AEBP2: variants seen among roughly 807,000 people sequenced by gnomAD.
AEBP2 encodes the protein AE binding protein 2, also known as zinc finger protein AEBP2.
In AEBP2, 10 loss-of-function variants were observed where a neutral mutation model predicts 50.8. The ratio of observed to expected loss-of-function variants is 0.20; its 90% CI spans 0.12 to 0.33. The LOEUF is 0.33. AEBP2 is among the 10% of genes least tolerant of loss of function. AEBP2 has a pLI of 1.00. For synonymous variants in AEBP2, 296 were observed against 261.3 expected (o/e 1.13, Z -1.28); for missense variants, 570 against 688.0 (o/e 0.83, Z 1.92).
intron 1 of AEBP2, among the ~76,000 whole-genome samples, chr12:19,412,469 G>A (rs1342454193): frequency 1.3e-5 from 2 of 151,896 alleles, no homozygotes; most frequent in Non-Finnish European, 2.9e-5. Context: ...TAGTAGAGAA[G>A]GGGTTTCACC....
intron 1 of AEBP2, among the ~76,000 whole-genome samples, chr12:19,417,621 TG>T (rs755738769): frequency 6.6e-6 from 1 of 151,894 alleles, no homozygotes; most frequent in Non-Finnish European, 1.5e-5. Flanking sequence ...TTGGCCAGGC[TG>T]ATCTCGAACT....
chr12:19,431,766 C>A (rs569825123), intron 1 of AEBP2, among the ~76,000 whole-genome samples: 1 of 152,308 alleles, frequency 6.6e-6, no homozygotes, highest in African/African-American at 2.4e-5. Context: ...TCATTTCCAT[C>A]ATCCTGTAAG....
intron 2 of AEBP2, chr12:19,466,802 G>C: frequency 1.0e-6 from 1 of 984,928 alleles, no homozygotes. Flanking sequence ...GGTAACCCTA[G>C]AAGATTTTAT....
At chr12:19,435,681 C>T (rs956083013), upstream of AEBP2, among the ~76,000 whole-genome samples, 3 of 152,148 alleles carry the variant, frequency 2.0e-5, no homozygotes, top group African/African-American at 7.2e-5. Context: ...AGTTTGAGTT[C>T]CCCAACACAG....
intron 1 of AEBP2, among the ~76,000 whole-genome samples, chr12:19,432,568 C>T (rs2153365285): frequency 1.3e-5 from 2 of 152,192 alleles, no homozygotes; most frequent in South Asian, 2.1e-4. Context: ...ATGGCATGCA[C>T]CTGTAGTACC....
intron 5 of AEBP2, among the ~76,000 whole-genome samples, chr12:19,509,544 G>A (rs936593566): frequency 6.6e-6 from 1 of 152,094 alleles, no homozygotes; most frequent in Non-Finnish European, 1.5e-5. Context: ...TCAGGAGTTT[G>A]ATACCAGCCT....
In AEBP2 at chr12:19,457,376, A is replaced by G; in HGVS notation, c.672-5134A>G. The G allele has an allele frequency of 4.9e-6, 7 of 1,439,168 alleles. No homozygotes were observed. In the East Asian group the frequency reaches 6.8e-5, roughly 14 times the overall value. 89.1% of individuals were successfully genotyped at this position (1,439,168 alleles called of 1,614,324 possible). A position where few individuals can be genotyped will look rare whatever the true frequency, so the allele number is the denominator to read the frequency against. Reference sequence around the variant, plus strand: ...TGGTTAAGTCTCTGTGTCCTAGGGCATCAATGATAGTCACGTAGCACTTGC... The same window carrying G: ...TGGTTAAGTCTCTGTGTCCTAGGGCGTCAATGATAGTCACGTAGCACTTGC... On this transcript the variant is annotated intron_variant, in intron 1 of 7. Coordinates refer to ENST00000266508, the MANE Select transcript of AEBP2 (RefSeq NM_153207.5).
chr12:19,406,060 G>A (rs1031296297), intron 1 of AEBP2, among the ~76,000 whole-genome samples: 14 of 150,290 alleles, frequency 9.3e-5, no homozygotes, highest in Admixed American at 4.0e-4. Context: ...TCTGCCTCCC[G>A]AGTCAAAGGA....
At chr12:19,490,675 A>C (rs376369490) in intron 3 of AEBP2, among the ~76,000 whole-genome samples, 40 of 152,298 alleles carry the variant, frequency 2.6e-4, no homozygotes, top group African/African-American at 9.6e-4. Flanking sequence ...TGTGTTGGCC[A>C]GGCTGGTCTC....
intron 3 of AEBP2, among the ~76,000 whole-genome samples, chr12:19,478,579 C>T (rs1948684810): frequency 6.6e-6 from 1 of 152,216 alleles, no homozygotes; most frequent in Non-Finnish European, 1.5e-5. Context: ...CGTCAACCAC[C>T]TTGCCTGGCA....
chr12:19,408,709 A>C (rs1194209382), intron 1 of AEBP2, among the ~76,000 whole-genome samples: 1 of 151,860 alleles, frequency 6.6e-6, no homozygotes, highest in Non-Finnish European at 1.5e-5. Flanking sequence ...AGAGCAGCCT[A>C]ACCAACGTGG....
intron 1 of AEBP2, among the ~76,000 whole-genome samples, chr12:19,424,377 T>C (rs568820961): frequency 2.0e-5 from 3 of 152,048 alleles, no homozygotes; most frequent in African/African-American, 7.2e-5. Flanking sequence ...AAAGGTTTGT[T>C]AAGTAAAGGC....
intron 3 of AEBP2, among the ~76,000 whole-genome samples, chr12:19,480,396 C>T (rs915205216): frequency 2.6e-5 from 4 of 152,152 alleles, no homozygotes; most frequent in Non-Finnish European, 2.9e-5. Context: ...TGGGCCACTG[C>T]GCCCTGCCAA....
chr12:19,488,023 T>G (rs540208327), intron 3 of AEBP2, among the ~76,000 whole-genome samples: 2 of 152,302 alleles, frequency 1.3e-5, no homozygotes, highest in South Asian at 4.1e-4. Context: ...TATATTATTA[T>G]ATTACATATT....
In AEBP2 at chr12:19,518,224, T is replaced by C; in HGVS notation, c.*107T>C. On this transcript the variant is annotated 3_prime_UTR_variant, in exon 8 of 8. Coordinates refer to ENST00000266508, the MANE Select transcript of AEBP2 (RefSeq NM_153207.5). ...ACATTAGAGTCAACCCCTTCTTTTTTTTTTTTTTTTTTTTAAATCCAGTAT... is the reference window on the plus strand; with the variant it reads ...ACATTAGAGTCAACCCCTTCTTTTTCTTTTTTTTTTTTTTAAATCCAGTAT... The C allele has an allele frequency of 7.3e-7, 1 of 1,362,804 alleles. No individual in the cohort carries two copies. The highest frequency in any genetic ancestry group is 2.7e-5 in the East Asian group (1 of 36,554). The allele number at this position is 1,362,804 out of a possible 1,614,324, so 84.4% of individuals were successfully genotyped here. A position where few individuals can be genotyped will look rare whatever the true frequency, so the allele number is the denominator to read the frequency against.
At chr12:19,505,017 T>C (rs1949135028) in intron 5 of AEBP2, among the ~76,000 whole-genome samples, 1 of 152,214 alleles carries the variant, frequency 6.6e-6, no homozygotes, top group African/African-American at 2.4e-5. Context: ...AAAGGTGTCC[T>C]TATTCTCTTT....
intron 1 of AEBP2, 63 bp downstream of exon 1, chr12:19,440,433 G>A: frequency 6.9e-7 from 1 of 1,443,794 alleles, no homozygotes; most frequent in South Asian, 1.5e-5. Context: ...CCCTCAGAGG[G>A]GGACCAAGGC....
At chr12:19,406,966 G>T (rs2095736620) in intron 1 of AEBP2, among the ~76,000 whole-genome samples, 1 of 152,022 alleles carries the variant, frequency 6.6e-6, no homozygotes, top group Non-Finnish European at 1.5e-5. Flanking sequence ...TTTCTCTATT[G>T]TATTACCTTT....
intron 2 of AEBP2, chr12:19,466,599 C>A: frequency 6.3e-6 from 1 of 157,586 alleles, no homozygotes; most frequent in Non-Finnish European, 1.4e-5. Context: ...CAAACTTACT[C>A]TCTGCTCTTA....
Sources: allele counts gnomAD v4.1 joint callset (sites outside exome capture counted in the v4.1 genomes callset), GRCh38; gene constraint gnomAD v4.1.1; transcripts MANE v1.5; gene names NCBI Gene and HGNC (gene_info 2026-07-23, HGNC 2026-07-21).